SNAPC3: variants seen among roughly 807,000 people sequenced by gnomAD.
SNAPC3 encodes small nuclear RNA activating complex polypeptide 3.
In SNAPC3, 56 loss-of-function variants were observed where a neutral mutation model predicts 47.7. That is an observed-to-expected ratio of 1.18 (90% CI 0.95 to 1.47). The LOEUF is 1.47. Among genes scored for constraint, SNAPC3 ranks in the 40% most tolerant of loss-of-function variants. The pLI is 0.00. For synonymous variants in SNAPC3, 235 were observed against 189.9 expected (o/e 1.24, Z -1.95); for missense variants, 665 against 511.3 (o/e 1.30, Z -2.90).
intron 1 of SNAPC3, 34 bp downstream of exon 1, chr9:15,423,227 G>C (rs1239301398): frequency 2.0e-6 from 3 of 1,533,742 alleles, no homozygotes; most frequent in Non-Finnish European, 2.6e-6. Context: ...TTGCAGCTTG[G>C]GGTCAAACAG....
Position 15,457,816 on chromosome 9 carries a change from A to G in SNAPC3, c.981-144A>G, listed in dbSNP as rs138327100. The G allele has an allele frequency of 6.4e-4, 366 of 568,838 alleles. 1 individual carries two copies. The African/African-American group carries it at 7.0e-3, about 11-fold the overall frequency. The allele number at this position is 568,838 out of a possible 1,614,324, so 35.2% of individuals were successfully genotyped here. A position where few individuals can be genotyped will look rare whatever the true frequency, so the allele number is the denominator to read the frequency against. ...ACAGAATTTGGTGAAACATGGCATA[A>G]CAAGTAATTCAGCAACATCTTGTAA... is the stretch of plus-strand genomic sequence containing the variant. On this transcript the variant is annotated intron_variant, in intron 7 of 8. Transcript: ENST00000380821.
downstream of SNAPC3, chr9:15,465,693 CAAACA>C: frequency 4.9e-6 from 4 of 822,844 alleles, no homozygotes. Flanking sequence ...TGAAACCAAC[CAAACA>C]AAAGAAAAAC....
intron 3 of SNAPC3, among the ~76,000 whole-genome samples, chr9:15,443,910 T>G (rs1316742198): frequency 2.6e-5 from 4 of 152,202 alleles, no homozygotes; most frequent in Admixed American, 2.6e-4. Flanking sequence ...TTGTTGTAAG[T>G]GTCCCATCAG....
At chr9:15,446,928 A>G (rs966609875) in intron 4 of SNAPC3, among the ~76,000 whole-genome samples, 167 bp from the exon 5 acceptor site, 5 of 152,222 alleles carry the variant, frequency 3.3e-5, no homozygotes, top group Non-Finnish European at 7.3e-5. Flanking sequence ...AATTTTGACC[A>G]TGAGTTTGGC....
rs2030806205 is a variant in SNAPC3 at position 15,423,187 on chromosome 9, TGTGCGGGTGA to T, written c.314+1_314+10del. On this transcript the variant is annotated splice_donor_variant and splice_donor_region_variant and coding_sequence_variant and intron_variant, in exon 1 of 9. Coordinates refer to ENST00000380821, the MANE Select transcript of SNAPC3 (RefSeq NM_001039697.2). LOFTEE classifies it high-confidence loss of function. ...GAGGCGGCGGCTGAGCTGAGGGCGG[TGTGCGGGTGA>T]GTGCGGAGCAAAGGGGCTCTTGCAG... The T allele has an allele frequency of 6.3e-7, 1 of 1,577,550 alleles. No homozygotes were observed. Among genetic ancestry groups the T allele is most frequent in the East Asian group, 2.3e-5 (1 of 43,524 alleles).
Position 15,423,990 on chromosome 9 carries a change from TG to T in SNAPC3, c.392+6del. ...ATACTGACCTGGTGACTTTGGGGTA[TG>T]GAGGACTTGGTTTTTATGACCTATT... On this transcript the variant is annotated splice_donor_5th_base_variant and intron_variant, in intron 2 of 8. Coordinates refer to ENST00000380821, the MANE Select transcript of SNAPC3 (RefSeq NM_001039697.2). The T allele has an allele frequency of 6.5e-7, 1 of 1,530,546 alleles. No individual in the cohort carries two copies. Among genetic ancestry groups the T allele is most frequent in the Non-Finnish European group, 8.8e-7 (1 of 1,134,310 alleles). The allele number at this position is 1,530,546 out of a possible 1,614,324, so 94.8% of individuals were successfully genotyped here. A position where few individuals can be genotyped will look rare whatever the true frequency, so the allele number is the denominator to read the frequency against.
In SNAPC3 at chr9:15,447,098, A is replaced by G. The variant is rs758797566; in HGVS notation, c.586A>G (p.Lys196Glu). 6.2e-7 allele frequency: 1 copy of G among 1,614,014 alleles called. No homozygotes were observed. Among genetic ancestry groups the G allele is most frequent in the South Asian group, 1.1e-5 (1 of 91,074 alleles). Residue 196 changes from lysine to glutamate, a missense_variant, in exon 5 of 9, where the codon AAA becomes GAA. Lys to Glu is a moderately conservative substitution (Grantham distance 56). Coordinates refer to ENST00000380821, the MANE Select transcript of SNAPC3 (RefSeq NM_001039697.2). ...ILYPVIFHKHKEHKPYQTMLV... is the reference protein window; with the variant it reads ...ILYPVIFHKHEEHKPYQTMLV... Reference sequence around the variant, plus strand: ...TTATTTATTCTTTGACTTTTAGCACAAAGAACACAAACCATACCAAACAAT... The same window carrying G: ...TTATTTATTCTTTGACTTTTAGCACGAAGAACACAAACCATACCAAACAAT...
intron 3 of SNAPC3, among the ~76,000 whole-genome samples, chr9:15,443,493 A>G (rs978534140): frequency 3.3e-5 from 5 of 151,980 alleles, no homozygotes; most frequent in African/African-American, 1.2e-4. Flanking sequence ...CACGTGTATT[A>G]CTTGTTGTAC....
At chr9:15,465,837 A>C, downstream of SNAPC3, 2 of 376,264 alleles carry the variant, frequency 5.3e-6, no homozygotes, top group Non-Finnish European at 9.4e-6. Flanking sequence ...TCATGGACCA[A>C]GCCCTTTCCA....
intron 3 of SNAPC3, among the ~76,000 whole-genome samples, chr9:15,442,226 G>T (rs1160604997): frequency 6.8e-6 from 1 of 146,278 alleles, no homozygotes; most frequent in East Asian, 2.1e-4. Context: ...CCTCCGGGAC[G>T]GGGCGGCTGG....
Position 15,433,498 on chromosome 9 carries a change from C to G in SNAPC3, c.393-54C>G. The G allele has an allele frequency of 4.6e-6, 5 of 1,086,844 alleles. No homozygotes were observed. The South Asian group carries it at 6.8e-5, about 15-fold the overall frequency. The allele number at this position is 1,086,844 out of a possible 1,614,324, so 67.3% of individuals were successfully genotyped here. A position where few individuals can be genotyped will look rare whatever the true frequency, so the allele number is the denominator to read the frequency against. On this transcript the variant is annotated intron_variant, in intron 2 of 8. Coordinates refer to ENST00000380821, the MANE Select transcript of SNAPC3 (RefSeq NM_001039697.2). ...TGAATGTTAAATATGTTTTTGAAGC[C>G]CGAATAACAAATGTTGAACTTTGAT...
intron 3 of SNAPC3, 101 bp downstream of exon 3, chr9:15,433,737 T>C: frequency 1.5e-6 from 1 of 686,182 alleles, no homozygotes; most frequent in Non-Finnish European, 2.4e-6. Context: ...ATACTGGATA[T>C]GCTTAGTTGA....
chr9:15,465,692 CCAAA>C (rs1242290554), downstream of SNAPC3: 2 of 843,490 alleles, frequency 2.4e-6, no homozygotes, highest in East Asian at 2.7e-5. Context: ...CTGAAACCAA[CCAAA>C]CAAAAGAAAA....
intron 6 of SNAPC3, 35 bp from the exon 7 acceptor site, chr9:15,453,006 G>GA: frequency 6.5e-7 from 1 of 1,535,818 alleles, no homozygotes; most frequent in Non-Finnish European, 8.8e-7. Context: ...AGTTTTTGTG[G>GA]AAAAATGATA....
chr9:15,449,771 A>G lies in SNAPC3; in HGVS notation c.733-1549A>G, dbSNP rs373548762. On this transcript the variant is annotated intron_variant, in intron 5 of 8. Coordinates refer to ENST00000380821, the MANE Select transcript of SNAPC3 (RefSeq NM_001039697.2). ...TTTTTAGTAGAGATGGGGTTTCTCC[A>G]TGTTGGTCAGGCTGGTCTTGAACTC... is the stretch of plus-strand genomic sequence containing the variant. Among the ~76,000 whole-genome samples, 6 of 151,478 alleles carry G rather than the reference A, an allele frequency of 4.0e-5. No individual in the cohort carries two copies. The East Asian group carries it at 9.8e-4, about 25-fold the overall frequency.
At chr9:15,430,219 C>T (rs534629410) in intron 2 of SNAPC3, among the ~76,000 whole-genome samples, 3 of 152,236 alleles carry the variant, frequency 2.0e-5, no homozygotes, top group Non-Finnish European at 4.4e-5. Context: ...TTGCTTGAGC[C>T]CTCGAGTTTG....
intron 3 of SNAPC3, among the ~76,000 whole-genome samples, chr9:15,440,697 C>CCCAGCACT (rs1360363772): frequency 1.3e-5 from 2 of 152,114 alleles, no homozygotes; most frequent in Non-Finnish European, 2.9e-5. Flanking sequence ...CGCCTGTAAT[C>CCCAGCACT]CCAGCACTTT....
chr9:15,423,191 C>T lies in SNAPC3; in HGVS notation c.312C>T (p.Cys104=), dbSNP rs535181293. The T allele has an allele frequency of 8.9e-6, 14 of 1,573,666 alleles. No individual in the cohort carries two copies. In the South Asian group the frequency reaches 1.3e-4, roughly 14 times the overall value. ...CGGCGGCTGAGCTGAGGGCGGTGTG[C>T]GGGTGAGTGCGGAGCAAAGGGGCTC... ...LEAAAELRAV[C]GLDKLKCLED... Residue 104 remains cysteine, a splice_region_variant and synonymous_variant, in exon 1 of 9, where the codon TGC becomes TGT. Coordinates refer to ENST00000380821, the MANE Select transcript of SNAPC3 (RefSeq NM_001039697.2).
chr9:15,446,729 A>G (rs1171996145), intron 4 of SNAPC3, among the ~76,000 whole-genome samples: 1 of 152,216 alleles, frequency 6.6e-6, no homozygotes, highest in Non-Finnish European at 1.5e-5. Flanking sequence ...GGTAGGGAAG[A>G]GTAAACAGTT....
Sources: gnomAD v4.1 joint callset for allele counts (sites outside exome capture counted in the v4.1 genomes callset) on GRCh38, gnomAD v4.1.1 for gene constraint, MANE v1.5 for transcripts, NCBI Gene and HGNC (gene_info 2026-07-23, HGNC 2026-07-21) for gene names.